The following NXPE2 variants were observed in gnomAD, a reference collection of about 807,000 sequenced individuals.
NXPE2 encodes the protein neurexophilin and PC-esterase domain family member 2.
Under a neutral mutation model 34.4 loss-of-function variants are expected in NXPE2, and 34 were observed. That is an observed-to-expected ratio of 0.99 (90% CI 0.75 to 1.31). NXPE2 has a LOEUF of 1.31. NXPE2 is among the 40% of genes most tolerant of loss of function. The pLI is 0.00. For synonymous variants in NXPE2, 235 were observed against 231.3 expected (o/e 1.02, Z -0.15); for missense variants, 649 against 672.5 (o/e 0.97, Z 0.39).
chr11:114,530,633 C>T, the NXPE2 span: 2 of 1,614,142 alleles, frequency 1.2e-6, no homozygotes, highest in Non-Finnish European at 1.7e-6. Context: ...CCAAGTGGTC[C>T]CTCACCTCCA....
the NXPE2 span, among the ~76,000 whole-genome samples, chr11:114,719,299 C>A: frequency 7.9e-5 from 12 of 152,072 alleles, no homozygotes; most frequent in Non-Finnish European, 8.8e-5. Flanking sequence ...GTTTAAAGAA[C>A]AAATTAATAA....
chr11:114,585,549 TAATA>T, the NXPE2 span, among the ~76,000 whole-genome samples: 10 of 152,062 alleles, frequency 6.6e-5, no homozygotes, highest in East Asian at 1.9e-3. Context: ...CATTATGTAA[TAATA>T]AAGAGATCAA....
the NXPE2 span, among the ~76,000 whole-genome samples, chr11:114,579,022 G>C: frequency 6.6e-6 from 1 of 152,136 alleles, no homozygotes; most frequent in Non-Finnish European, 1.5e-5. Context: ...AGGAATACCT[G>C]AGGCTGGGTA....
At chr11:114,559,335 C>T in the NXPE2 span, among the ~76,000 whole-genome samples, 110 of 152,238 alleles carry the variant, frequency 7.2e-4, no homozygotes, top group African/African-American at 2.5e-3. Flanking sequence ...CGATCTCTCC[C>T]GTATTTTGAA....
At chr11:114,528,256 C>T in the NXPE2 span, among the ~76,000 whole-genome samples, 38 of 152,268 alleles carry the variant, frequency 2.5e-4, 1 homozygote, top group African/African-American at 6.7e-4. Flanking sequence ...TTACTGTGAG[C>T]CTCTAATTGG....
chr11:114,698,110 C>T lies in NXPE2; in HGVS notation c.198C>T (p.His66=), dbSNP rs950500780. The part of the protein sequence containing the change: ...NQGNIFKKYS[H]SETPLCPAVS... ...GGAACATCTTCAAAAAATATTCACA[C>T]TCTGAAACACCACTGTGTCCAGCAG... Residue 66 remains histidine, a synonymous_variant, in exon 3 of 6, where the codon CAC becomes CAT. Coordinates refer to ENST00000389586, the MANE Select transcript of NXPE2 (RefSeq NM_182495.6). The T allele has an allele frequency of 6.2e-7, 1 of 1,612,236 alleles. No homozygotes were observed. Among genetic ancestry groups the T allele is most frequent in the Non-Finnish European group, 8.5e-7 (1 of 1,178,954 alleles).
rs1337057991 is a variant in NXPE2, at chr11:114,704,898, C to T, written c.928+846C>T. On this transcript the variant is annotated intron_variant, in intron 4 of 5. Coordinates refer to ENST00000389586, the MANE Select transcript of NXPE2 (RefSeq NM_182495.6). ...TGTTTGTAACACCTCTTTTATTTCC[C>T]TCTTGCCTGGACAGTAATTTCTAGT... 4.6e-5 allele frequency among the ~76,000 whole-genome samples: 7 copies of T among 152,326 alleles called. 1 individual carries two copies. The highest frequency in any genetic ancestry group is 2.0e-4 in the Admixed American group (3 of 15,304).
chr11:114,751,037 G>C, the NXPE2 span, among the ~76,000 whole-genome samples: 1 of 152,258 alleles, frequency 6.6e-6, no homozygotes, highest in African/African-American at 2.4e-5. Context: ...CAGGGACTCA[G>C]GCTGTCAAAG....
At chr11:114,705,465 A>G (rs897809002) in intron 4 of NXPE2, among the ~76,000 whole-genome samples, 3 of 152,226 alleles carry the variant, frequency 2.0e-5, no homozygotes, top group Non-Finnish European at 4.4e-5. Context: ...TTTCACGGCC[A>G]CACATTTCCT....
chr11:114,492,267 T>G, the NXPE2 span, among the ~76,000 whole-genome samples: 3 of 152,182 alleles, frequency 2.0e-5, no homozygotes, highest in Non-Finnish European at 2.9e-5. Flanking sequence ...TAAGAGCATA[T>G]TGTTTAATTT....
the NXPE2 span, among the ~76,000 whole-genome samples, chr11:114,493,336 G>A: frequency 6.6e-6 from 1 of 151,898 alleles, no homozygotes; most frequent in African/African-American, 2.4e-5. Context: ...GATAAGCAAG[G>A]GCTTACTCCT....
At chr11:114,579,980 A>G in the NXPE2 span, 1 of 657,258 alleles carries the variant, frequency 1.5e-6, no homozygotes, top group South Asian at 1.9e-5. Flanking sequence ...TGTTTTTTTA[A>G]AGGAAGGATA....
At chr11:114,752,371 T>A in the NXPE2 span, among the ~76,000 whole-genome samples, 1 of 152,206 alleles carries the variant, frequency 6.6e-6, no homozygotes, top group African/African-American at 2.4e-5. Flanking sequence ...CATTTTGAGT[T>A]AGATGGAAGC....
At chr11:114,648,041 T>C in the NXPE2 span, among the ~76,000 whole-genome samples, 1 of 152,184 alleles carries the variant, frequency 6.6e-6, no homozygotes, top group East Asian at 1.9e-4. Flanking sequence ...GTTTTGTTAA[T>C]ATTCCCTGTG....
At chr11:114,571,490 A>C in the NXPE2 span, 4 of 1,567,018 alleles carry the variant, frequency 2.6e-6, no homozygotes, top group Non-Finnish European at 3.5e-6. Context: ...ACAAATAGGC[A>C]ATCCCAAAAT....
At chr11:114,678,420 G>T (rs1950882544), upstream of NXPE2, 9 of 595,006 alleles carry the variant, frequency 1.5e-5, no homozygotes, top group East Asian at 2.6e-4. Context: ...AATAAGGGAG[G>T]TTTATGATTC....
chr11:114,583,098 T>C, the NXPE2 span: 105 of 1,439,420 alleles, frequency 7.3e-5, no homozygotes, highest in African/African-American at 1.3e-3. Context: ...AAGTGTAACA[T>C]GCTATGAAAT....
intron 2 of NXPE2, among the ~76,000 whole-genome samples, chr11:114,682,632 A>T (rs916529636): frequency 7.2e-5 from 11 of 152,192 alleles, no homozygotes; most frequent in African/African-American, 2.4e-4. Flanking sequence ...GTTAATTAAA[A>T]TTTTTTTATT....
At chr11:114,718,676 T>C in the NXPE2 span, among the ~76,000 whole-genome samples, 1 of 152,126 alleles carries the variant, frequency 6.6e-6, no homozygotes, top group Non-Finnish European at 1.5e-5. Context: ...CTCCCAGTGG[T>C]CAAATATGGG....
Sources: gnomAD v4.1 joint callset for allele counts (sites outside exome capture counted in the v4.1 genomes callset) on GRCh38, gnomAD v4.1.1 for gene constraint, MANE v1.5 for transcripts, NCBI Gene and HGNC (gene_info 2026-07-23, HGNC 2026-07-21) for gene names.